The following FLT1 variants were observed in gnomAD, a reference collection of about 807,000 sequenced individuals.
The protein encoded by FLT1 is vascular endothelial growth factor receptor 1.
A neutral mutation model predicts 156.3 loss-of-function variants in FLT1; 49 were observed. That is an observed-to-expected ratio of 0.31 (90% CI 0.25 to 0.40). FLT1 has a LOEUF of 0.40. Ranked by LOEUF, FLT1 falls within the 10% of genes least tolerant of loss-of-function variation. The pLI, the probability that FLT1 is intolerant of heterozygous loss-of-function variation, is 1.00. For missense variants in FLT1, 1,322 were observed against 1,637.2 expected, an observed-to-expected ratio of 0.81 and a Z score of 3.32; for synonymous variants, 594 against 583.8, an observed-to-expected ratio of 1.02 and a Z score of -0.25.
At chr13:28,384,434 G>A (rs970907509) in intron 14 of FLT1, among the ~76,000 whole-genome samples, 1 of 136,802 alleles carries the variant, frequency 7.3e-6, no homozygotes, top group Non-Finnish European at 1.5e-5. Context: ...GGTTGACAGA[G>A]TGAGACTCCA....
At chr13:28,387,579 C>T (rs1380227525) in intron 13 of FLT1, 2 of 1,064,368 alleles carry the variant, frequency 1.9e-6, no homozygotes, top group African/African-American at 1.6e-5. Flanking sequence ...GTTATGGCCC[C>T]AGAGATCTGC....
intron 18 of FLT1, among the ~76,000 whole-genome samples, chr13:28,333,482 GTAGTATCT>G (rs1377462125): frequency 1.3e-4 from 20 of 152,336 alleles, no homozygotes; most frequent in African/African-American, 4.8e-4. Context: ...TCACAGAGTA[GTAGTATCT>G]TTCAACACTA....
At chr13:28,404,154 C>T (rs1400155762) in intron 11 of FLT1, among the ~76,000 whole-genome samples, 2 of 152,082 alleles carry the variant, frequency 1.3e-5, no homozygotes, top group Admixed American at 6.5e-5. Context: ...CTATACATCA[C>T]GGACTGTTTT....
chr13:28,412,862 A>G (rs557031460), intron 10 of FLT1, among the ~76,000 whole-genome samples: 1 of 149,290 alleles, frequency 6.7e-6, no homozygotes, highest in Admixed American at 6.8e-5. Context: ...ACGGCCGGCC[A>G]CGTTCTCTTA....
At chr13:28,333,836 G>T (rs1872017120) in intron 18 of FLT1, among the ~76,000 whole-genome samples, 189 bp downstream of exon 18, 1 of 152,138 alleles carries the variant, frequency 6.6e-6, no homozygotes, top group African/African-American at 2.4e-5. Flanking sequence ...CATTTACAAG[G>T]TTTCTTCTGA....
In FLT1 at chr13:28,351,494, G is replaced by C. The variant is rs148308460; in HGVS notation, c.2249-5943C>G. On this transcript the variant is annotated intron_variant, in intron 15 of 29. Coordinates refer to ENST00000282397, the MANE Select transcript of FLT1 (RefSeq NM_002019.4). ...GTAAAACCCAGTCAGCATAATCCAGGTAACCTTACTTACTATATGGTTTCT... is the reference window on the plus strand; with the variant it reads ...GTAAAACCCAGTCAGCATAATCCAGCTAACCTTACTTACTATATGGTTTCT... 5.9e-5 allele frequency among the ~76,000 whole-genome samples: 9 copies of C among 152,282 alleles called. No individual in the cohort carries two copies. The East Asian group carries it at 1.7e-3, about 29-fold the overall frequency.
At chr13:28,442,971 C>T (rs909236366) in intron 3 of FLT1, among the ~76,000 whole-genome samples, 2 of 152,216 alleles carry the variant, frequency 1.3e-5, no homozygotes, top group African/African-American at 4.8e-5. Flanking sequence ...CCAATCCCAG[C>T]CAGCACTGCA....
chr13:28,347,344 A>G (rs7982257), intron 15 of FLT1, among the ~76,000 whole-genome samples: 30,216 of 151,734 alleles, frequency 0.2, 3,185 homozygotes, highest in East Asian at 0.33. Flanking sequence ...CCAACATGGT[A>G]AAACCCTGTC....
rs56314249 is a variant in FLT1, at chr13:28,322,842, C to T, written c.2901G>A (p.Ala967=). The change falls in exon 21 of 30, where the codon GCG becomes GCA. Residue 967 remains alanine (A), a synonymous_variant. Transcript: ENST00000282397. The surrounding 1 kb of genome is among the most constrained non-coding windows in gnomAD (Gnocchi z 4.3). ...LDSVTSSESF[A]SSGFQEDKSL... ...TTTTATCTTCCTGAAAGCCGGAGCT[C>T]GCAAAGCTTTCGCTGCTGGTGACGC... 0.035 allele frequency: 56,771 copies of T among 1,614,064 alleles called. 2,358 individuals carry two copies. The highest frequency in any genetic ancestry group is 0.2 in the Admixed American group (12,237 of 60,004).
chr13:28,471,715 A>G (rs2256849), intron 1 of FLT1, among the ~76,000 whole-genome samples: 39,144 of 152,072 alleles, frequency 0.26, 7,202 homozygotes, highest in African/African-American at 0.51. Flanking sequence ...TCTCAGATGC[A>G]GATGAGAACT....
chr13:28,371,801 C>G (rs1873581493), intron 14 of FLT1, among the ~76,000 whole-genome samples: 1 of 151,936 alleles, frequency 6.6e-6, no homozygotes, highest in South Asian at 2.1e-4. Flanking sequence ...TTCTGATGGA[C>G]AGCAATTGGT....
chr13:28,433,430 G>A (rs1877820649), intron 6 of FLT1, among the ~76,000 whole-genome samples: 1 of 152,204 alleles, frequency 6.6e-6, no homozygotes. Flanking sequence ...CGCTGACAGA[G>A]ACAGCCTCCT....
At chr13:28,449,227 T>C (rs1202882942) in intron 3 of FLT1, among the ~76,000 whole-genome samples, 1 of 152,120 alleles carries the variant, frequency 6.6e-6, no homozygotes, top group Non-Finnish European at 1.5e-5. Context: ...AAGGCTGCAG[T>C]GTCACTGCAC....
In FLT1 at chr13:28,304,422, A is replaced by C. The variant is rs368661997; in HGVS notation, c.3816-1054T>G. On this transcript the variant is annotated intron_variant, in intron 29 of 29. Coordinates refer to ENST00000282397, the MANE Select transcript of FLT1 (RefSeq NM_002019.4). ...TTACTTGTGGCCGATGAGTTGTGCT[A>C]ACTACATCACTTGGAGGCACTTGTT... Among the ~76,000 whole-genome samples, 9 of 152,172 alleles carry C rather than the reference A, an allele frequency of 5.9e-5. No homozygotes were observed. In the East Asian group the frequency reaches 1.5e-3, roughly 26 times the overall value.
Position 28,389,912 on chromosome 13 carries a change from G to C in FLT1, c.1853C>G (p.Thr618Ser). 1 of 1,614,184 alleles carries C rather than the reference G, an allele frequency of 6.2e-7. No individual in the cohort carries two copies. Among genetic ancestry groups the C allele is most frequent in the Non-Finnish European group, 8.5e-7 (1 of 1,180,042 alleles). ...AACATTCATGATGGTAAGATTAAGA[G>C]TGATGGAGTGCTCCTTAGTGATGGC... ...KMAITKEHSITLNLTIMNVSL... is the reference protein window; with the variant it reads ...KMAITKEHSISLNLTIMNVSL... The change falls in exon 13 of 30, where the codon ACT (threonine) becomes AGT (serine). Residue 618 changes from threonine to serine, a missense_variant. Thr to Ser is a moderately conservative substitution (Grantham distance 58). Transcript: ENST00000282397.
At chr13:28,319,267 A>C (rs1871339201) in intron 24 of FLT1, among the ~76,000 whole-genome samples, 156 bp downstream of exon 24, 1 of 152,202 alleles carries the variant, frequency 6.6e-6, no homozygotes, top group Admixed American at 6.5e-5. Context: ...TGCGTACGCC[A>C]TTACTCATCT....
intron 11 of FLT1, among the ~76,000 whole-genome samples, chr13:28,400,050 T>G (rs1378520460): frequency 1.3e-5 from 2 of 152,208 alleles, no homozygotes; most frequent in Non-Finnish European, 2.9e-5. Context: ...GGGCAGAATT[T>G]ATGCTCAGGT....
chr13:28,494,052 C>T (rs2137681789), intron 1 of FLT1, among the ~76,000 whole-genome samples: 1 of 152,356 alleles, frequency 6.6e-6, no homozygotes, highest in East Asian at 1.9e-4. Flanking sequence ...CTGCTCCCGG[C>T]AGAGGCCCCA....
At chr13:28,453,479 T>C (rs1416098208) in intron 3 of FLT1, among the ~76,000 whole-genome samples, 1 of 152,186 alleles carries the variant, frequency 6.6e-6, no homozygotes, top group African/African-American at 2.4e-5. Context: ...TTGGTAAATA[T>C]GGAGTCAACT....
Sources: allele counts gnomAD v4.1 joint callset (sites outside exome capture counted in the v4.1 genomes callset), GRCh38; gene constraint gnomAD v4.1.1; non-coding constraint Gnocchi (gnomAD v3.1); transcripts MANE v1.5; gene names NCBI Gene and HGNC (gene_info 2026-07-23, HGNC 2026-07-21).